DPYD: variants seen among roughly 807,000 people sequenced by gnomAD.
The protein encoded by DPYD is dihydropyrimidine dehydrogenase [NADP(+)].
DPYD carries 109 observed loss-of-function variants against 116.2 expected under a neutral mutation model. The ratio of observed to expected loss-of-function variants is 0.94; its 90% CI spans 0.80 to 1.10. The LOEUF (loss-of-function observed/expected upper bound fraction) is 1.10, where lower values mean the gene tolerates loss of function less well. Ranked by LOEUF, DPYD falls within the 50% of genes least tolerant of loss-of-function variation. The pLI is 0.00. For missense variants in DPYD, 1,302 were observed against 1,254.5 expected (o/e 1.04, Z -0.57); for synonymous variants, 440 against 432.0 (o/e 1.02, Z -0.23).
At chr1:97,149,269 TG>T (rs1358280620) in intron 20 of DPYD, among the ~76,000 whole-genome samples, 2 of 152,190 alleles carry the variant, frequency 1.3e-5, no homozygotes, top group African/African-American at 4.8e-5. Context: ...TTTATTTTTT[TG>T]TAACAGAGTC....
intron 3 of DPYD, among the ~76,000 whole-genome samples, chr1:97,818,784 GT>G (rs1668768139): frequency 6.6e-6 from 1 of 151,932 alleles, no homozygotes; most frequent in African/African-American, 2.4e-5. Flanking sequence ...GTGTATATAT[GT>G]GTATAAAGAC....
chr1:97,501,557 A>G (rs1333889073), intron 13 of DPYD, among the ~76,000 whole-genome samples: 2 of 151,888 alleles, frequency 1.3e-5, no homozygotes, highest in African/African-American at 4.8e-5. Context: ...CCAAACAGAA[A>G]CACATTAGCC....
At chr1:97,247,661 G>C (rs887542360) in intron 18 of DPYD, among the ~76,000 whole-genome samples, 1 of 152,116 alleles carries the variant, frequency 6.6e-6, no homozygotes, top group Non-Finnish European at 1.5e-5. Context: ...CATAGTAAAT[G>C]CTTTAAAAAT....
chr1:97,909,930 T>G (rs1278440891), intron 1 of DPYD, among the ~76,000 whole-genome samples: 1 of 152,106 alleles, frequency 6.6e-6, no homozygotes, highest in Non-Finnish European at 1.5e-5. Context: ...ATATTAAATT[T>G]GTGTTCCCCA....
chr1:97,814,932 GGAAAGAAA>G (rs60383204), intron 3 of DPYD, among the ~76,000 whole-genome samples: 21 of 54,830 alleles, frequency 3.8e-4, no homozygotes, highest in African/African-American at 8.4e-4. Context: ...GAAAGAGAGA[GGAAAGAAA>G]GAAAGAAAGA....
intron 14 of DPYD, among the ~76,000 whole-genome samples, chr1:97,385,921 T>C (rs1334741196): frequency 6.6e-6 from 1 of 152,212 alleles, no homozygotes; most frequent in African/African-American, 2.4e-5. Context: ...GGTTGGTTAA[T>C]TGTTCACCCT....
At chr1:97,701,544 C>A (rs1423924736) in intron 5 of DPYD, among the ~76,000 whole-genome samples, 1 of 151,584 alleles carries the variant, frequency 6.6e-6, no homozygotes, top group African/African-American at 2.4e-5. Flanking sequence ...CTCCTGGAAA[C>A]CCAGACAGAG....
chr1:97,219,763 G>A (rs765003813), intron 19 of DPYD, among the ~76,000 whole-genome samples: 4 of 152,192 alleles, frequency 2.6e-5, no homozygotes, highest in Non-Finnish European at 5.9e-5. Flanking sequence ...CTGGTGTGGT[G>A]TTGGCCTGTG....
At chr1:97,790,448 T>G (rs1038871101) in intron 3 of DPYD, among the ~76,000 whole-genome samples, 6 of 152,206 alleles carry the variant, frequency 3.9e-5, no homozygotes, top group African/African-American at 1.4e-4. Context: ...GAACTGATTT[T>G]CTACAGAATT....
In DPYD at chr1:97,193,197, T is replaced by G; in HGVS notation, c.2494A>C (p.Thr832Pro). The change falls in exon 20 of 23, where the codon ACT becomes CCT. Residue 832 changes from threonine (T) to proline (P), a missense_variant. Transcript: ENST00000370192. ...AGATAAAGCAGGGCTTTGAGGCCAGTGCAGTAGTCTTCGATCACAGTGAAA... is the reference window on the plus strand; with the variant it reads ...AGATAAAGCAGGGCTTTGAGGCCAGGGCAGTAGTCTTCGATCACAGTGAAA... ...QDFTVIEDYC[T>P]GLKALLYLKS... is the part of the protein sequence containing the mutation. 1 of 1,613,976 alleles carries G rather than the reference T, an allele frequency of 6.2e-7. No homozygotes were observed. Among genetic ancestry groups the G allele is most frequent in the South Asian group, 1.1e-5 (1 of 91,074 alleles).
chr1:97,867,361 T>A (rs1219255295), intron 2 of DPYD, among the ~76,000 whole-genome samples: 1 of 151,842 alleles, frequency 6.6e-6, no homozygotes, highest in Non-Finnish European at 1.5e-5. Context: ...ACCATATGAA[T>A]AATTGTGGGT....
chr1:97,552,890 T>C (rs1027709535), intron 11 of DPYD, among the ~76,000 whole-genome samples: 1 of 151,774 alleles, frequency 6.6e-6, no homozygotes, highest in African/African-American at 2.4e-5. Context: ...AAGAAAAAGC[T>C]GAGAGATCAC....
At chr1:97,633,361 C>G (rs1037372315) in intron 8 of DPYD, among the ~76,000 whole-genome samples, 4 of 151,948 alleles carry the variant, frequency 2.6e-5, no homozygotes, top group African/African-American at 4.8e-5. Context: ...CCAGGTTTTC[C>G]CTGAAAGCCT....
intron 8 of DPYD, among the ~76,000 whole-genome samples, chr1:97,650,602 T>C (rs986408732): frequency 7.9e-5 from 12 of 152,132 alleles, no homozygotes; most frequent in African/African-American, 2.9e-4. Flanking sequence ...AGGAGCTTGC[T>C]CATAATTACA....
chr1:97,605,548 C>T (rs1282764827), intron 8 of DPYD, among the ~76,000 whole-genome samples: 1 of 152,068 alleles, frequency 6.6e-6, no homozygotes, highest in African/African-American at 2.4e-5. Flanking sequence ...CAATGTGAAA[C>T]TGTGAGTCAA....
chr1:97,637,378 A>T (rs1372536355), intron 8 of DPYD, among the ~76,000 whole-genome samples: 1 of 152,050 alleles, frequency 6.6e-6, no homozygotes, highest in East Asian at 1.9e-4. Context: ...CCAGCTACCT[A>T]CTTCTTTTGT....
chr1:97,224,635 G>A (rs1660992600), intron 19 of DPYD, among the ~76,000 whole-genome samples: 1 of 151,408 alleles, frequency 6.6e-6, no homozygotes, highest in Non-Finnish European at 1.5e-5. Context: ...CTGCAATTTT[G>A]TATCCTTGAA....
chr1:97,155,338 C>T (rs1423311639), intron 20 of DPYD, among the ~76,000 whole-genome samples: 1 of 152,116 alleles, frequency 6.6e-6, no homozygotes, highest in African/African-American at 2.4e-5. Flanking sequence ...TAGTTCTTTT[C>T]ATCTATCAAA....
At chr1:97,486,516 T>C (rs950871946) in intron 13 of DPYD, among the ~76,000 whole-genome samples, 25 of 152,134 alleles carry the variant, frequency 1.6e-4, no homozygotes, top group African/African-American at 5.8e-4. Flanking sequence ...TTATATCACA[T>C]AAATCAGTAT....
Sources: gnomAD v4.1 joint callset for allele counts (sites outside exome capture counted in the v4.1 genomes callset) on GRCh38, gnomAD v4.1.1 for gene constraint, MANE v1.5 for transcripts, NCBI Gene and HGNC (gene_info 2026-07-23, HGNC 2026-07-21) for gene names.